Variants in RUBCN observed in about 807,000 individuals in gnomAD.
The protein encoded by RUBCN is run domain Beclin-1-interacting and cysteine-rich domain-containing protein.
A neutral mutation model predicts 113.2 loss-of-function variants in RUBCN; 74 were observed. That is an observed-to-expected ratio of 0.65 (90% CI 0.54 to 0.79). The LOEUF (loss-of-function observed/expected upper bound fraction) is 0.79, where lower values mean the gene tolerates loss of function less well. RUBCN is among the 30% of genes least tolerant of loss of function. RUBCN has a pLI of 0.00. For synonymous variants in RUBCN, 480 were observed against 490.0 expected (o/e 0.98, Z 0.27); for missense variants, 1,109 against 1,251.7 (o/e 0.89, Z 1.72).
At chr3:197,709,765 A>AATG (rs1189523795) in intron 2 of RUBCN, among the ~76,000 whole-genome samples, 1 of 152,232 alleles carries the variant, frequency 6.6e-6, no homozygotes, top group African/African-American at 2.4e-5. Flanking sequence ...AGTTGATACA[A>AATG]ATGCATAGGA....
chr3:197,705,248 A>T, intron 2 of RUBCN, 73 bp from the exon 3 acceptor site: 1 of 1,333,362 alleles, frequency 7.5e-7, no homozygotes, highest in Non-Finnish European at 1.1e-6. Context: ...GTTGGCATTC[A>T]AAGATAGGAA....
chr3:197,692,448 G>A (rs1014028234), intron 11 of RUBCN, among the ~76,000 whole-genome samples: 3 of 151,596 alleles, frequency 2.0e-5, no homozygotes, highest in African/African-American at 4.9e-5. Flanking sequence ...GAAGGGGGTC[G>A]TGGGAATCTC....
At chr3:197,708,040 G>A (rs1373349285) in intron 2 of RUBCN, among the ~76,000 whole-genome samples, 1 of 151,718 alleles carries the variant, frequency 6.6e-6, no homozygotes, top group East Asian at 1.9e-4. Flanking sequence ...AATCATAAAG[G>A]AACAGAGAGA....
chr3:197,680,116 G>C (rs1297998867), intron 16 of RUBCN, among the ~76,000 whole-genome samples: 6 of 123,230 alleles, frequency 4.9e-5, no homozygotes, highest in Admixed American at 2.5e-4. Context: ...TCTGACAACT[G>C]GCTTCAGACT....
chr3:197,707,263 C>T (rs111247102), intron 2 of RUBCN, among the ~76,000 whole-genome samples: 78 of 151,956 alleles, frequency 5.1e-4, no homozygotes, highest in African/African-American at 1.9e-3. Flanking sequence ...ACCCGGGAGG[C>T]AGAGCTTGCA....
chr3:197,718,070 G>A lies in RUBCN; in HGVS notation c.126C>T (p.Thr42=). 1 of 1,614,178 alleles carries A rather than the reference G, an allele frequency of 6.2e-7. No individual in the cohort carries two copies. The change falls in exon 2 of 20, where the codon ACC becomes ACT. Residue 42 remains threonine (T), a synonymous_variant. Transcript: ENST00000296343. ...LKTTVEGLVS[T]NSPNVWSKYG... is the part of the protein sequence containing the mutation. ...ACTTAGACCAGACGTTGGGGCTGTT[G>A]GTTGATACCAAACCCTCCACCGTCG...
chr3:197,689,417 TG>T (rs36069434), intron 11 of RUBCN, among the ~76,000 whole-genome samples: 2 of 152,046 alleles, frequency 1.3e-5, no homozygotes, highest in African/African-American at 4.8e-5. Flanking sequence ...GCCCCCAAAA[TG>T]GGGAAAGGAA....
In RUBCN at chr3:197,677,036, A is replaced by G; in HGVS notation, c.2495T>C (p.Leu832Pro). 6.2e-7 allele frequency: 1 copy of G among 1,613,438 alleles called. No individual in the cohort carries two copies. Among genetic ancestry groups the G allele is most frequent in the East Asian group, 2.2e-5 (1 of 44,886 alleles). The change falls in exon 18 of 20, where the codon CTT becomes CCT. Residue 832 changes from leucine to proline, a missense_variant and splice_region_variant. By Grantham distance (98) the Leu-to-Pro change is moderately conservative (BLOSUM62 -3). Coordinates refer to ENST00000296343, the MANE Select transcript of RUBCN (RefSeq NM_014687.4). ...MFKTCRLAKE[L>P]LDSFDTVPGH... ...TGGGACTGTGTCAAAGGAATCCAGA[A>G]GCCTACAGGGAGTGACAGGAGGCAG...
chr3:197,740,186 G>A (rs919223311), upstream of RUBCN, among the ~76,000 whole-genome samples: 4 of 152,004 alleles, frequency 2.6e-5, no homozygotes, highest in East Asian at 3.9e-4. Context: ...CTAGCCATGC[G>A]TTACCTATCC....
In RUBCN at chr3:197,731,284, CAT is replaced by C. The variant is rs370133436; in HGVS notation, c.65+5369_65+5370del. 8.9e-3 allele frequency among the ~76,000 whole-genome samples: 1,353 copies of C among 152,290 alleles called. 14 individuals carry two copies. Among genetic ancestry groups the C allele is most frequent in the South Asian group, 0.043 (206 of 4,824 alleles). On this transcript the variant is annotated intron_variant, in intron 1 of 19. Coordinates refer to ENST00000296343, the MANE Select transcript of RUBCN (RefSeq NM_014687.4). ...CATTCAACCCTGAGTGGATACAGCA[CAT>C]GTTTCAGAGAGCACAGGGTTGGGGG...
intron 13 of RUBCN, among the ~76,000 whole-genome samples, chr3:197,682,976 G>A (rs1721422553): frequency 6.6e-6 from 1 of 152,196 alleles, no homozygotes; most frequent in Admixed American, 6.5e-5. Flanking sequence ...TGCTGTGCCA[G>A]TGTGTTTCAT....
At chr3:197,749,337 T>C (rs1041835412) in exon 1 of RUBCN, 67 of 1,149,352 alleles carry the variant, frequency 5.8e-5, no homozygotes, top group South Asian at 2.8e-4. Context: ...AGAGTGCCGA[T>C]TGAGAGAAGG....
chr3:197,747,747 A>C (rs1197230467), intron 1 of RUBCN, among the ~76,000 whole-genome samples: 1 of 152,138 alleles, frequency 6.6e-6, no homozygotes, highest in Non-Finnish European at 1.5e-5. Flanking sequence ...GAGAAAAATG[A>C]CTTGTGCTTA....
intron 2 of RUBCN, among the ~76,000 whole-genome samples, chr3:197,706,723 G>A (rs1724339790): frequency 6.6e-6 from 1 of 151,916 alleles, no homozygotes; most frequent in South Asian, 2.1e-4. Flanking sequence ...CCAATCAATG[G>A]TACAAAATAA....
Position 197,701,062 on chromosome 3 carries a change from T to C in RUBCN, c.812A>G (p.Gln271Arg). The change falls in exon 7 of 20, where the codon CAA (glutamine) becomes CGA (arginine). Residue 271 changes from glutamine to arginine, a missense_variant. By Grantham distance (43) the Gln-to-Arg change is conservative (BLOSUM62 1). Coordinates refer to ENST00000296343, the MANE Select transcript of RUBCN (RefSeq NM_014687.4). ...TGAAACTGGGGGGGCTTGGATGGTT[T>C]GATCCTCTGCTGGTGAGACGTGCCC... ...SRGHVSPAED[Q>R]TIQAPPVSVS... 6.2e-7 allele frequency: 1 copy of C among 1,612,676 alleles called. No individual in the cohort carries two copies. Among genetic ancestry groups the C allele is most frequent in the Non-Finnish European group, 8.5e-7 (1 of 1,179,034 alleles).
In RUBCN at chr3:197,676,341, T is replaced by TC. The variant is rs1436484749; in HGVS notation, c.2646+543dup. 15 of 998,460 alleles carry TC rather than the reference T, an allele frequency of 1.5e-5. No individual in the cohort carries two copies. In the South Asian group the frequency reaches 1.7e-4, roughly 12 times the overall value. The allele number at this position is 998,460 out of a possible 1,614,324, so 61.9% of individuals were successfully genotyped here. ...CATCATGACAACTGCCTTTTTTTTTTCCACTCTTGTCGCTCAGGCTGGAGT... is the reference window on the plus strand; with the variant it reads ...CATCATGACAACTGCCTTTTTTTTTTCCCACTCTTGTCGCTCAGGCTGGAGT... On this transcript the variant is annotated intron_variant, in intron 18 of 19. Coordinates refer to ENST00000296343, the MANE Select transcript of RUBCN (RefSeq NM_014687.4).
intron 1 of RUBCN, among the ~76,000 whole-genome samples, chr3:197,722,250 AAAG>A (rs1726254994): frequency 6.6e-6 from 1 of 151,848 alleles, no homozygotes; most frequent in Non-Finnish European, 1.5e-5. Context: ...AAAAAAAAAG[AAAG>A]AAAAAAGAAA....
chr3:197,693,840 G>C (rs192602739), intron 10 of RUBCN, 24 bp from the exon 11 acceptor site: 1 of 1,517,572 alleles, frequency 6.6e-7, no homozygotes, highest in East Asian at 2.3e-5. Context: ...AAACAAAAAG[G>C]AATAAACAGG....
chr3:197,675,785 C>A lies in RUBCN; in HGVS notation c.2647-270G>T, dbSNP rs373534075. On this transcript the variant is annotated intron_variant, in intron 18 of 19. Transcript: ENST00000296343. The surrounding 1 kb of genome is among the most constrained non-coding windows in gnomAD (Gnocchi z 4.4). ...TGAAGAGAGGAGAAGGAGGAAATGG[C>A]ACCACAAAGGGCTTCCTAAGCCGAC... Among the ~76,000 whole-genome samples the A allele has an allele frequency of 3.8e-3, 579 of 152,314 alleles. 6 individuals carry two copies. Among genetic ancestry groups the A allele is most frequent in the African/African-American group, 0.013 (552 of 41,562 alleles).
Sources: allele counts gnomAD v4.1 joint callset (sites outside exome capture counted in the v4.1 genomes callset), GRCh38; gene constraint gnomAD v4.1.1; non-coding constraint Gnocchi (gnomAD v3.1); transcripts MANE v1.5; gene names NCBI Gene and HGNC (gene_info 2026-07-23, HGNC 2026-07-21).